The following PCCA variants were observed in gnomAD, a reference collection of about 807,000 sequenced individuals.
The protein encoded by PCCA is propionyl-CoA carboxylase alpha chain, mitochondrial.
A neutral mutation model predicts 101.3 loss-of-function variants in PCCA; 74 were observed. The observed-to-expected ratio is 0.73, with a 90% CI of 0.61 to 0.89. The LOEUF (loss-of-function observed/expected upper bound fraction) is 0.89, where lower values mean the gene tolerates loss of function less well. PCCA is among the 40% of genes least tolerant of loss of function. The pLI, the probability that PCCA is intolerant of heterozygous loss-of-function variation, is 0.00. For synonymous variants in PCCA, 294 were observed against 313.6 expected (o/e 0.94, Z 0.66); for missense variants, 891 against 907.0 (o/e 0.98, Z 0.23).
Position 100,157,323 on chromosome 13 carries a change from G to T in PCCA, c.451G>T (p.Glu151Ter), listed in dbSNP as rs2053984648. ...TTATGGATTCCTTTCAGAAAACAAA[G>T]AATTTGCCAGATGTTTGGTAAGTTG... is the stretch of plus-strand genomic sequence containing the variant. ...PGYGFLSENK[E>*]FARCLAAEDV... The change falls in exon 6 of 24, where the codon GAA becomes TAA. Residue 151 changes from glutamate to a stop codon, truncating the protein, a stop_gained. Transcript: ENST00000376285. LOFTEE classifies it high-confidence loss of function. 3 of 1,610,540 alleles carry T rather than the reference G, an allele frequency of 1.9e-6. No individual in the cohort carries two copies. The highest frequency in any genetic ancestry group is 2.7e-5 in the African/African-American group (2 of 74,854).
intron 19 of PCCA, among the ~76,000 whole-genome samples, chr13:100,418,297 C>G (rs1041823118): frequency 2.0e-5 from 3 of 152,172 alleles, no homozygotes; most frequent in African/African-American, 7.2e-5. Context: ...AGTTAACATG[C>G]GTCTGCTGGT....
At chr13:100,162,937 T>G (rs142986842) in intron 6 of PCCA, among the ~76,000 whole-genome samples, 2 of 152,346 alleles carry the variant, frequency 1.3e-5, no homozygotes, top group East Asian at 3.9e-4. Context: ...TGCAACTTCA[T>G]AAAACCCTTA....
chr13:100,372,612 C>A (rs1246530112), intron 19 of PCCA, among the ~76,000 whole-genome samples: 2 of 152,268 alleles, frequency 1.3e-5, no homozygotes, highest in South Asian at 4.1e-4. Flanking sequence ...TTCTCCCATT[C>A]TGTGGGTTGC....
chr13:100,308,182 T>TG (rs1330114681), intron 15 of PCCA, among the ~76,000 whole-genome samples: 1 of 152,188 alleles, frequency 6.6e-6, no homozygotes, highest in Non-Finnish European at 1.5e-5. Flanking sequence ...GAAAATTCTG[T>TG]GTTCTCTGAA....
At chr13:100,183,963 G>A (rs2057023488) in intron 6 of PCCA, among the ~76,000 whole-genome samples, 1 of 152,138 alleles carries the variant, frequency 6.6e-6, no homozygotes, top group South Asian at 2.1e-4. Flanking sequence ...TAGGCCGTGT[G>A]CTAGTCTGTT....
chr13:100,461,581 C>T (rs1306933098), intron 21 of PCCA, among the ~76,000 whole-genome samples: 1 of 152,226 alleles, frequency 6.6e-6, no homozygotes, highest in Non-Finnish European at 1.5e-5. Flanking sequence ...AGCAGTCCCT[C>T]AACTGACATG....
At chr13:100,155,825 A>G (rs1162549563) in intron 5 of PCCA, among the ~76,000 whole-genome samples, 2 of 152,356 alleles carry the variant, frequency 1.3e-5, no homozygotes, top group Non-Finnish European at 2.9e-5. Context: ...TTTTGAAAGA[A>G]ATGTTTTAGT....
chr13:100,400,053 A>T, intron 19 of PCCA, among the ~76,000 whole-genome samples: 1 of 152,226 alleles, frequency 6.6e-6, no homozygotes, highest in Non-Finnish European at 1.5e-5. Flanking sequence ...GAATTTATGG[A>T]TGAAACAAAA....
intron 18 of PCCA, among the ~76,000 whole-genome samples, chr13:100,348,723 T>TTTCCC: frequency 2.4e-5 from 3 of 123,780 alleles, no homozygotes; most frequent in Admixed American, 8.1e-5. Context: ...TTTCCGTTTT[T>TTTCCC]TTTCCTTTCT....
intron 21 of PCCA, among the ~76,000 whole-genome samples, chr13:100,499,319 G>T (rs1262662792): frequency 6.6e-6 from 1 of 152,200 alleles, no homozygotes; most frequent in Non-Finnish European, 1.5e-5. Flanking sequence ...TTCCATTCAG[G>T]TGTTGGGCAG....
At chr13:100,368,641 A>T (rs1353862254) in intron 19 of PCCA, 67 bp downstream of exon 19, 4 of 982,680 alleles carry the variant, frequency 4.1e-6, no homozygotes, top group Non-Finnish European at 6.6e-6. Flanking sequence ...AGCCATTTTT[A>T]ACCTGTTCAG....
chr13:100,288,157 GT>G (rs1408449158), intron 12 of PCCA, among the ~76,000 whole-genome samples: 3 of 152,084 alleles, frequency 2.0e-5, no homozygotes, highest in Non-Finnish European at 4.4e-5. Flanking sequence ...GCAGTTTTGG[GT>G]TTATAGAAAA....
intron 6 of PCCA, among the ~76,000 whole-genome samples, chr13:100,204,724 A>C (rs572419293): frequency 1.3e-5 from 2 of 152,314 alleles, no homozygotes; most frequent in South Asian, 4.1e-4. Context: ...TTTGTCCAGA[A>C]CCATAGAGTC....
chr13:100,319,452 G>A (rs2067757490), intron 16 of PCCA, among the ~76,000 whole-genome samples: 1 of 152,016 alleles, frequency 6.6e-6, no homozygotes, highest in South Asian at 2.1e-4. Flanking sequence ...TTTCTTCTAG[G>A]GTTTTTATGG....
At chr13:100,303,804 G>T (rs1200339470) in intron 14 of PCCA, among the ~76,000 whole-genome samples, 6 of 152,054 alleles carry the variant, frequency 3.9e-5, no homozygotes, top group Non-Finnish European at 8.8e-5. Flanking sequence ...TTGCCCATGT[G>T]CTTTCTAAAG....
chr13:100,161,141 T>C (rs1431025946), intron 6 of PCCA: 1 of 152,218 alleles, frequency 6.6e-6, no homozygotes, highest in Non-Finnish European at 1.5e-5. Flanking sequence ...ATGTAACTAC[T>C]GTAAAATGAG....
chr13:100,405,029 T>C (rs1282663211), intron 19 of PCCA, among the ~76,000 whole-genome samples: 1 of 152,170 alleles, frequency 6.6e-6, no homozygotes, highest in Non-Finnish European at 1.5e-5. Context: ...TTGTGTGGAC[T>C]CCTTACCATA....
At chr13:100,392,340 A>G (rs2076838384) in intron 19 of PCCA, among the ~76,000 whole-genome samples, 1 of 152,218 alleles carries the variant, frequency 6.6e-6, no homozygotes. Context: ...ATGCGTTGAC[A>G]ATTGCCTTTC....
chr13:100,379,210 G>A (rs753570493), intron 19 of PCCA, among the ~76,000 whole-genome samples: 15 of 152,028 alleles, frequency 9.9e-5, no homozygotes, highest in Non-Finnish European at 1.9e-4. Context: ...AAACAGTATC[G>A]GTGGTATCTG....
Sources: allele counts gnomAD v4.1 joint callset (sites outside exome capture counted in the v4.1 genomes callset), GRCh38; gene constraint gnomAD v4.1.1; transcripts MANE v1.5; gene names NCBI Gene and HGNC (gene_info 2026-07-23, HGNC 2026-07-21).